Variants in PRKG1 observed in about 807,000 individuals in gnomAD.
The protein encoded by PRKG1 is cGMP-dependent protein kinase 1.
In PRKG1, 35 loss-of-function variants were observed where a neutral mutation model predicts 88.1. The ratio of observed to expected loss-of-function variants is 0.40; its 90% confidence interval spans 0.30 to 0.53. The LOEUF (loss-of-function observed/expected upper bound fraction) is 0.53, where lower values mean the gene tolerates loss of function less well. PRKG1 is among the 20% of genes least tolerant of loss of function. PRKG1 has a pLI of 0.59. For synonymous variants in PRKG1, 303 were observed against 292.5 expected (o/e 1.04, Z -0.37); for missense variants, 540 against 839.8 (o/e 0.64, Z 4.41).
chr10:51,252,236 A>G (rs1402393714), intron 2 of PRKG1, among the ~76,000 whole-genome samples: 1 of 151,822 alleles, frequency 6.6e-6, no homozygotes, highest in Non-Finnish European at 1.5e-5. Context: ...CTTCTAATAG[A>G]CTAGGAATTG....
intron 5 of PRKG1, among the ~76,000 whole-genome samples, chr10:51,948,545 T>C (rs201502845): frequency 5.5e-5 from 3 of 54,674 alleles, no homozygotes; most frequent in South Asian, 9.2e-4. Flanking sequence ...TGTGTGTGTG[T>C]GTGCGTGTGT....
At chr10:51,487,556 A>G (rs1011816443) in intron 3 of PRKG1, among the ~76,000 whole-genome samples, 1 of 152,128 alleles carries the variant, frequency 6.6e-6, no homozygotes, top group Non-Finnish European at 1.5e-5. Flanking sequence ...ACACCCTTGT[A>G]TAATCCCTTT....
At chr10:51,242,805 A>G (rs1244684181) in intron 2 of PRKG1, among the ~76,000 whole-genome samples, 1 of 152,192 alleles carries the variant, frequency 6.6e-6, no homozygotes, top group African/African-American at 2.4e-5. Context: ...GATGCCAATC[A>G]TGAGCAAAAA....
chr10:51,696,671 T>C (rs1170928961), intron 3 of PRKG1: 5 of 151,014 alleles, frequency 3.3e-5, no homozygotes, highest in Non-Finnish European at 7.4e-5. Context: ...TCAGGTAACA[T>C]AACTTTAGAA....
intron 3 of PRKG1, among the ~76,000 whole-genome samples, chr10:51,489,204 G>T (rs1840636867): frequency 6.6e-6 from 1 of 152,016 alleles, no homozygotes. Flanking sequence ...ATGTGATAAG[G>T]GTACAATAGA....
At chr10:51,716,878 A>G (rs1050043218) in intron 3 of PRKG1, among the ~76,000 whole-genome samples, 2 of 152,146 alleles carry the variant, frequency 1.3e-5, no homozygotes, top group African/African-American at 2.4e-5. Flanking sequence ...TTGTATTTTT[A>G]GTAGAGATGG....
intron 2 of PRKG1, among the ~76,000 whole-genome samples, chr10:51,165,263 A>G (rs1169991749): frequency 1.3e-5 from 2 of 152,108 alleles, no homozygotes; most frequent in Admixed American, 1.3e-4. Flanking sequence ...TAAAGAAAAG[A>G]ATTTTCAACC....
intron 3 of PRKG1, among the ~76,000 whole-genome samples, chr10:51,616,905 GC>G (rs943760560): frequency 2.0e-5 from 3 of 152,128 alleles, no homozygotes; most frequent in African/African-American, 7.2e-5. Context: ...AGTCACAGTG[GC>G]AGTAGCCCAT....
intron 5 of PRKG1, among the ~76,000 whole-genome samples, chr10:51,967,353 T>A (rs961853003): frequency 6.6e-6 from 1 of 151,958 alleles, no homozygotes; most frequent in Non-Finnish European, 1.5e-5. Flanking sequence ...TAGGTGGGAA[T>A]TGAACAATGA....
At chr10:52,109,239 T>G (rs1847498550) in intron 7 of PRKG1, among the ~76,000 whole-genome samples, 1 of 152,150 alleles carries the variant, frequency 6.6e-6, no homozygotes, top group Non-Finnish European at 1.5e-5. Flanking sequence ...CTAGGCAGAT[T>G]GCTGAAACCA....
chr10:52,135,673 A>G (rs1279652729), intron 8 of PRKG1, among the ~76,000 whole-genome samples: 1 of 152,112 alleles, frequency 6.6e-6, no homozygotes, highest in Non-Finnish European at 1.5e-5. Context: ...GAAAGTAGAA[A>G]AATCAGTTTG....
intron 3 of PRKG1, among the ~76,000 whole-genome samples, chr10:51,628,003 T>C (rs1231458373): frequency 6.1e-5 from 3 of 49,554 alleles, no homozygotes; most frequent in Non-Finnish European, 1.0e-4. Flanking sequence ...TCTCTCTCTC[T>C]CTCTCTCTTT....
intron 3 of PRKG1, among the ~76,000 whole-genome samples, chr10:51,686,693 T>C (rs527976207): frequency 5.9e-5 from 9 of 152,168 alleles, no homozygotes; most frequent in Non-Finnish European, 1.2e-4. Flanking sequence ...TCTGAACACA[T>C]GTGAAAAGGG....
chr10:51,128,785 A>G (rs1845493867), intron 1 of PRKG1, among the ~76,000 whole-genome samples: 1 of 152,224 alleles, frequency 6.6e-6, no homozygotes, highest in African/African-American at 2.4e-5. Context: ...CTTATGTAGT[A>G]AGAAACATAC....
intron 2 of PRKG1, among the ~76,000 whole-genome samples, chr10:51,189,728 A>C (rs2132038318): frequency 6.6e-6 from 1 of 152,114 alleles, no homozygotes; most frequent in South Asian, 2.1e-4. Flanking sequence ...ATTAAATTAA[A>C]ATATTATGAA....
intron 2 of PRKG1, among the ~76,000 whole-genome samples, chr10:51,405,235 T>C (rs1485229041): frequency 6.6e-6 from 1 of 152,236 alleles, no homozygotes; most frequent in African/African-American, 2.4e-5. Context: ...TACATCCTGA[T>C]AAACCAATCA....
intron 3 of PRKG1, among the ~76,000 whole-genome samples, chr10:51,719,626 T>C (rs1042029095): frequency 1.3e-5 from 2 of 152,190 alleles, no homozygotes; most frequent in Non-Finnish European, 2.9e-5. Context: ...AGGATATTAG[T>C]GGAAAAACAG....
rs1369838208 is a variant in PRKG1 at position 51,153,383 on chromosome 10, A to G, written c.478+53A>G. ...CATTCAAATATTCTTTTTTCATCTTATCAGCTGCACACAGATGGCAATGCA... is the reference window on the plus strand; with the variant it reads ...CATTCAAATATTCTTTTTTCATCTTGTCAGCTGCACACAGATGGCAATGCA... On this transcript the variant is annotated intron_variant, in intron 2 of 17. Transcript: ENST00000373980. The G allele has an allele frequency of 3.3e-6, 5 of 1,513,802 alleles. No homozygotes were observed. In the South Asian group the frequency reaches 3.9e-5, roughly 12 times the overall value. The allele number at this position is 1,513,802 out of a possible 1,614,324, so 93.8% of individuals were successfully genotyped here. A position where few individuals can be genotyped will look rare whatever the true frequency, so the allele number is the denominator to read the frequency against.
intron 5 of PRKG1, among the ~76,000 whole-genome samples, chr10:52,029,038 G>A (rs1188051392): frequency 6.6e-6 from 1 of 152,202 alleles, no homozygotes; most frequent in Non-Finnish European, 1.5e-5. Flanking sequence ...GGTCACTTAA[G>A]GAGCCTGACA....
Sources: gnomAD v4.1 joint callset for allele counts (sites outside exome capture counted in the v4.1 genomes callset) on GRCh38, gnomAD v4.1.1 for gene constraint, MANE v1.5 for transcripts, NCBI Gene and HGNC (gene_info 2026-07-23, HGNC 2026-07-21) for gene names.